SPG7: variants seen among roughly 807,000 people sequenced by gnomAD.
The protein encoded by SPG7 is SPG7 matrix AAA peptidase subunit, paraplegin, also known as mitochondrial inner membrane m-AAA protease component paraplegin.
A neutral mutation model predicts 81.9 loss-of-function variants in SPG7; 103 were observed. The ratio of observed to expected loss-of-function variants is 1.26; its 90% CI spans 1.07 to 1.48. SPG7 has a LOEUF of 1.48. SPG7 is among the 40% of genes most tolerant of loss of function. The pLI is 0.00. For synonymous variants in SPG7, 534 were observed against 444.2 expected (o/e 1.20, Z -2.54); for missense variants, 1,241 against 1,087.3 (o/e 1.14, Z -1.99).
chr16:89,526,448 G>A lies in SPG7; in HGVS notation c.738G>A (p.Lys246=), dbSNP rs1325727736. The A allele has an allele frequency of 6.2e-7, 1 of 1,614,182 alleles. No homozygotes were observed. The highest frequency in any genetic ancestry group is 1.3e-5 in the African/African-American group (1 of 75,030). ...EAKDRIPVSY[K]RTGFFGNALY... is the part of the protein sequence containing the mutation. ...AGGACAGGATCCCAGTTTCCTACAA[G>A]CGAACAGGATTCTTTGGAAAGTATG... The change falls in exon 5 of 17, where the codon AAG becomes AAA. Residue 246 remains lysine (K), a synonymous_variant. Transcript: ENST00000645818.
rs769576372 is a variant in SPG7 at position 89,530,766 on chromosome 16, C to A, written c.945C>A (p.His315Gln). Residue 315 changes from histidine to glutamine, a missense_variant, in exon 7 of 17, where the codon CAC becomes CAA. Physicochemically the swap from His to Gln is conservative, Grantham distance 24. Transcript: ENST00000645818. ...GVSFKDVAGM[H>Q]EAKLEVREFV... ...GCTTCAAAGACGTGGCAGGAATGCA[C>A]GAAGCCAAACTGGAAGTCCGCGAGT... 2.5e-6 allele frequency: 4 copies of A among 1,614,010 alleles called. No individual in the cohort carries two copies. The highest frequency in any genetic ancestry group is 1.3e-5 in the African/African-American group (1 of 74,890).
chr16:89,530,727 G>A lies in SPG7; in HGVS notation c.906G>A (p.Met302Ile). 1 of 1,614,194 alleles carries A rather than the reference G, an allele frequency of 6.2e-7. No individual in the cohort carries two copies. The highest frequency in any genetic ancestry group is 8.5e-7 in the Non-Finnish European group (1 of 1,180,040). Residue 302 changes from methionine (M) to isoleucine (I), a missense_variant, in exon 7 of 17, where the codon ATG (methionine) becomes ATA (isoleucine). By Grantham distance (10) the Met-to-Ile change is conservative. Transcript: ENST00000645818. Reference protein sequence around the residue: ...MARFTIVDGKMGKGVSFKDVA... With the variant: ...MARFTIVDGKIGKGVSFKDVA... ...GTTTCACCATTGTGGATGGGAAGAT[G>A]GGGAAAGGAGTCAGCTTCAAAGACG...
intron 3 of SPG7, chr16:89,518,312 A>G (rs1207178540): frequency 6.6e-6 from 1 of 152,262 alleles, no homozygotes; most frequent in African/African-American, 2.4e-5. Context: ...TTGCCCGAAA[A>G]GTATTTGCTT....
chr16:89,557,529 G>GGCGCCCA lies in SPG7; in HGVS notation c.*436_*437insGCGCCCA. The GGCGCCCA allele has an allele frequency of 4.5e-6, 1 of 223,504 alleles. No individual in the cohort carries two copies. Among genetic ancestry groups the GGCGCCCA allele is most frequent in the Non-Finnish European group, 9.1e-6 (1 of 109,368 alleles). 13.8% of individuals were successfully genotyped at this position (223,504 alleles called of 1,614,324 possible). A position where few individuals can be genotyped will look rare whatever the true frequency, so the allele number is the denominator to read the frequency against. ...GATCGGACATGAAAGGACCCTGTGA[G>GGCGCCCA]CCGATTGTCCTATCTCCAGCGGCCC... On this transcript the variant is annotated 3_prime_UTR_variant, in exon 17 of 17. Coordinates refer to ENST00000645818, the MANE Select transcript of SPG7 (RefSeq NM_003119.4).
intron 14 of SPG7, chr16:89,553,554 C>A: frequency 1.8e-6 from 1 of 570,566 alleles, no homozygotes; most frequent in Non-Finnish European, 3.1e-6. Flanking sequence ...ATGCAGTGAG[C>A]TCCAGTATGC....
chr16:89,548,206 A>T, intron 12 of SPG7, 93 bp downstream of exon 12: 1 of 843,550 alleles, frequency 1.2e-6, no homozygotes, highest in Non-Finnish European at 2.0e-6. Context: ...GGTGGATGGA[A>T]CCATCACACA....
chr16:89,533,876 G>C (rs2058378565), intron 9 of SPG7: 1 of 152,162 alleles, frequency 6.6e-6, no homozygotes, highest in African/African-American at 2.4e-5. Context: ...GTGCAGGCCT[G>C]TGTTCCCAGC....
At position 89,556,994 on chromosome 16, in the gene SPG7, G is replaced by T; in HGVS notation, c.2289G>T (p.Trp763Cys). The T allele has an allele frequency of 1.3e-5, 21 of 1,613,964 alleles. No individual in the cohort carries two copies. The highest frequency in any genetic ancestry group is 1.8e-5 in the Non-Finnish European group (21 of 1,180,022). The change falls in exon 17 of 17, where the codon TGG (tryptophan) becomes TGT (cysteine). Residue 763 changes from tryptophan to cysteine, a missense_variant. By Grantham distance (215) the Trp-to-Cys change is radical. Coordinates refer to ENST00000645818, the MANE Select transcript of SPG7 (RefSeq NM_003119.4). ...GPKKMIAPQRWIDAQREKQDL... is the reference protein window; with the variant it reads ...GPKKMIAPQRCIDAQREKQDL... ...AGAAAATGATCGCACCGCAGAGGTGGATCGACGCCCAGAGGGAGAAACAGG... is the reference window on the plus strand; with the variant it reads ...AGAAAATGATCGCACCGCAGAGGTGTATCGACGCCCAGAGGGAGAAACAGG...
At chr16:89,525,882 G>A (rs2058253515) in intron 4 of SPG7, among the ~76,000 whole-genome samples, 1 of 152,166 alleles carries the variant, frequency 6.6e-6, no homozygotes, top group African/African-American at 2.4e-5. Context: ...AGGTGTAGCT[G>A]AGTCTGAGGC....
At chr16:89,547,876 G>A (rs754699190) in intron 11 of SPG7, 127 bp from the exon 12 acceptor site, 1 of 771,698 alleles carries the variant, frequency 1.3e-6, no homozygotes, top group African/African-American at 1.7e-5. Flanking sequence ...GCCTCCCAAA[G>A]TGCTGGGATT....
chr16:89,531,239 G>C (rs944374899), intron 7 of SPG7: 24 of 340,186 alleles, frequency 7.1e-5, no homozygotes, highest in African/African-American at 4.5e-4. Flanking sequence ...TGTTCCCTCT[G>C]CAGGCCTGGT....
chr16:89,510,507 G>A lies in SPG7; in HGVS notation c.201G>A (p.Leu67=). ...TTTTTCAGAGCTTACAATTGAGACT[G>A]CTAACCCCTACCTTTGAAGGGATCA... The part of the protein sequence containing the change: ...GRALQSLQLR[L]LTPTFEGING... Residue 67 remains leucine, a synonymous_variant, in exon 2 of 17, where the codon CTG becomes CTA. Coordinates refer to ENST00000645818, the MANE Select transcript of SPG7 (RefSeq NM_003119.4). The A allele has an allele frequency of 6.4e-7, 1 of 1,574,322 alleles. No individual in the cohort carries two copies.
chr16:89,530,801 A>T lies in SPG7; in HGVS notation c.980A>T (p.Tyr327Phe). 6.2e-7 allele frequency: 1 copy of T among 1,614,164 alleles called. No homozygotes were observed. Among genetic ancestry groups the T allele is most frequent in the Non-Finnish European group, 8.5e-7 (1 of 1,180,016 alleles). ...CTGGAAGTCCGCGAGTTTGTGGATT[A>T]TCTGAAGGTGAAAGCAGCGTGGGCC... ...AKLEVREFVD[Y>F]LKSPERFLQL... Residue 327 changes from tyrosine (Y) to phenylalanine (F), a missense_variant, in exon 7 of 17, where the codon TAT becomes TTT. By Grantham distance (22) the Tyr-to-Phe change is conservative. Transcript: ENST00000645818.
At chr16:89,529,751 G>A (rs140775002) in intron 6 of SPG7, 172 bp downstream of exon 6, 3 of 678,642 alleles carry the variant, frequency 4.4e-6, no homozygotes, top group African/African-American at 1.8e-5. Context: ...TGTAAGGCGT[G>A]TAGTAACCAA....
At chr16:89,527,294 G>C (rs9674304) in intron 5 of SPG7, 150,950 of 152,356 alleles carry the variant, frequency 0.99, 74,790 homozygotes, top group Middle Eastern at 1. Flanking sequence ...CTTTAGTTGT[G>C]TGGCGCTTCT....
chr16:89,542,249 C>T (rs1012960725), intron 9 of SPG7: 6 of 152,284 alleles, frequency 3.9e-5, no homozygotes, highest in African/African-American at 1.4e-4. Context: ...GCCCTGGCCT[C>T]TGCAAGGAAG....
At chr16:89,544,895 G>A (rs1567926596) in intron 10 of SPG7, 123 bp downstream of exon 10, 1 of 1,244,182 alleles carries the variant, frequency 8.0e-7, no homozygotes, top group Non-Finnish European at 1.2e-6. Flanking sequence ...ACAGGTGCTG[G>A]CAGTGTCCAG....
At chr16:89,534,612 G>C (rs778807315) in intron 9 of SPG7, among the ~76,000 whole-genome samples, 1 of 152,226 alleles carries the variant, frequency 6.6e-6, no homozygotes, top group African/African-American at 2.4e-5. Flanking sequence ...GTCTGGAGTC[G>C]TGTGTGTTAG....
chr16:89,545,293 C>T (rs2058548572), intron 10 of SPG7: 1 of 241,666 alleles, frequency 4.1e-6, no homozygotes, highest in African/African-American at 2.3e-5. Context: ...TTGGACGTTA[C>T]ACTTCCTGGC....
Sources: allele counts gnomAD v4.1 joint callset (sites outside exome capture counted in the v4.1 genomes callset), GRCh38; gene constraint gnomAD v4.1.1; transcripts MANE v1.5; gene names NCBI Gene and HGNC (gene_info 2026-07-23, HGNC 2026-07-21).